The following RBBP8 variants were observed in gnomAD, a reference collection of about 807,000 sequenced individuals.
RBBP8 encodes RB binding protein 8, endonuclease.
In RBBP8, 88 loss-of-function variants were observed where a neutral mutation model predicts 108.3. The ratio of observed to expected loss-of-function variants is 0.81; its 90% confidence interval spans 0.68 to 0.97. The LOEUF (loss-of-function observed/expected upper bound fraction) is 0.97. Among genes scored for constraint, RBBP8 ranks in the 50% least tolerant of loss-of-function variants. The probability of loss-of-function intolerance (pLI) is 0.00; values close to 1 mark genes in which losing one functional copy is unlikely to be tolerated. For missense variants in RBBP8, 1,023 were observed against 1,049.0 expected, an observed-to-expected ratio of 0.98 and a Z score of 0.34; for synonymous variants, 332 against 348.2, an observed-to-expected ratio of 0.95 and a Z score of 0.52.
chr18:22,957,769 A>G (rs564641207), intron 4 of RBBP8, among the ~76,000 whole-genome samples: 5 of 152,328 alleles, frequency 3.3e-5, no homozygotes, highest in African/African-American at 1.2e-4. Flanking sequence ...TAGGATCAGC[A>G]ATCAAAAATT....
intron 1 of RBBP8, among the ~76,000 whole-genome samples, chr18:22,915,110 A>G (rs1598616011): frequency 6.6e-6 from 1 of 152,126 alleles, no homozygotes; most frequent in East Asian, 1.9e-4. Context: ...GAATTGAAGC[A>G]CATGTCTTCT....
chr18:22,953,396 T>A (rs1022121210), intron 4 of RBBP8, among the ~76,000 whole-genome samples: 1 of 152,204 alleles, frequency 6.6e-6, no homozygotes, highest in Non-Finnish European at 1.5e-5. Context: ...TAGTTGTTCC[T>A]TAGCAAGTTG....
intron 5 of RBBP8, among the ~76,000 whole-genome samples, chr18:22,972,694 C>G (rs1241866255): frequency 6.6e-6 from 1 of 152,122 alleles, no homozygotes; most frequent in Admixed American, 6.5e-5. Flanking sequence ...AATTCTCTTC[C>G]GAATAATATA....
intron 4 of RBBP8, among the ~76,000 whole-genome samples, chr18:22,968,067 C>CA (rs948245277): frequency 7.4e-5 from 11 of 149,488 alleles, no homozygotes; most frequent in African/African-American, 2.5e-4. Context: ...ACAATATTGA[C>CA]AAAAAAAAAT....
chr18:22,936,901 C>G lies in RBBP8; in HGVS notation c.50C>G (p.Ser17Cys). 15 of 1,614,106 alleles carry G rather than the reference C, an allele frequency of 9.3e-6. No homozygotes were observed. Among genetic ancestry groups the G allele is most frequent in the Non-Finnish European group, 1.3e-5 (15 of 1,180,020 alleles). Reference protein sequence around the residue: ...SCGSPNSADTSSDFKDLWTKL... With the variant: ...SCGSPNSADTCSDFKDLWTKL... The stretch of plus-strand genomic sequence containing the variant: ...GGAAGCCCTAACTCTGCAGATACAT[C>G]TAGTGACTTTAAGGACCTTTGGACA... The change falls in exon 2 of 19, where the codon TCT becomes TGT. Residue 17 changes from serine (S) to cysteine (C), a missense_variant. By Grantham distance (112) the Ser-to-Cys change is moderately radical. Transcript: ENST00000327155.
intron 4 of RBBP8, among the ~76,000 whole-genome samples, chr18:22,956,786 A>C (rs1319434866): frequency 1.3e-5 from 2 of 152,156 alleles, no homozygotes; most frequent in African/African-American, 2.4e-5. Context: ...CTAAGTTCTA[A>C]TTTTATGTGG....
chr18:22,918,964 T>A (rs1452125921), intron 3 of RBBP8, among the ~76,000 whole-genome samples: 3 of 152,204 alleles, frequency 2.0e-5, no homozygotes, highest in African/African-American at 4.8e-5. Context: ...TACAAAAAAA[T>A]TCCCTTCTGA....
intron 2 of RBBP8, among the ~76,000 whole-genome samples, chr18:22,941,992 G>C (rs1300579336): frequency 6.6e-6 from 1 of 152,084 alleles, no homozygotes; most frequent in Non-Finnish European, 1.5e-5. Flanking sequence ...TCGTCAATAT[G>C]TTCCACATAG....
chr18:22,914,204 T>C (rs985800459), exon 1 of RBBP8: 1 of 152,180 alleles, frequency 6.6e-6, no homozygotes, highest in Non-Finnish European at 1.5e-5. Flanking sequence ...AGAGAGGTGG[T>C]GTTCACTGAT....
At chr18:22,958,096 T>C (rs955947132) in intron 4 of RBBP8, among the ~76,000 whole-genome samples, 1 of 152,356 alleles carries the variant, frequency 6.6e-6, no homozygotes, top group East Asian at 1.9e-4. Flanking sequence ...CTTTCTACCA[T>C]CTGCCTTTGA....
intron 16 of RBBP8, among the ~76,000 whole-genome samples, chr18:23,008,215 G>A (rs533398348): frequency 1.7e-4 from 26 of 151,298 alleles, no homozygotes; most frequent in African/African-American, 5.6e-4. Context: ...GCAAATTGAA[G>A]ACATAGTAAT....
chr18:22,997,084 A>G (rs777532551), intron 13 of RBBP8, among the ~76,000 whole-genome samples: 9 of 152,232 alleles, frequency 5.9e-5, no homozygotes, highest in Non-Finnish European at 1.2e-4. Context: ...CATTACCTTT[A>G]AAATAATGTA....
chr18:22,980,877 G>A (rs1914868019), intron 6 of RBBP8, among the ~76,000 whole-genome samples: 1 of 149,250 alleles, frequency 6.7e-6, no homozygotes, highest in Non-Finnish European at 1.5e-5. Flanking sequence ...ACCACGCCTG[G>A]CAAATTTTTT....
At chr18:22,939,504 C>T (rs1490063454) in intron 2 of RBBP8, among the ~76,000 whole-genome samples, 1 of 151,708 alleles carries the variant, frequency 6.6e-6, no homozygotes. Context: ...CCACCCTGGG[C>T]AACAAGAGCG....
At position 22,989,317 on chromosome 18, in the gene RBBP8, CTG is replaced by C; in HGVS notation, c.807+1_807+2del. 3 of 1,585,760 alleles carry C rather than the reference CTG, an allele frequency of 1.9e-6. No individual in the cohort carries two copies. The highest frequency in any genetic ancestry group is 1.7e-6 in the Non-Finnish European group (2 of 1,154,882). ...CTTGGACTTGGTGTTCAAGAAGAAT[CTG>C]TAAGTAATTGTTTAGTTTGGCAATA... On this transcript the variant is annotated splice_donor_variant and coding_sequence_variant, in exon 9 of 19. Coordinates refer to ENST00000327155, the MANE Select transcript of RBBP8 (RefSeq NM_002894.3). LOFTEE classifies it high-confidence loss of function.
chr18:23,017,792 G>A (rs551097988), intron 17 of RBBP8, among the ~76,000 whole-genome samples: 7 of 136,686 alleles, frequency 5.1e-5, no homozygotes, highest in South Asian at 2.4e-4. Context: ...TGTTGCCCAG[G>A]CTGGAATGTA....
chr18:23,016,803 T>C, intron 16 of RBBP8, 25 bp from the exon 17 acceptor site: 1 of 1,485,622 alleles, frequency 6.7e-7, no homozygotes, highest in Non-Finnish European at 9.4e-7. Context: ...CTAAGCTTTG[T>C]TAATTTAATT....
At chr18:22,937,941 T>C (rs768067357) in intron 2 of RBBP8, among the ~76,000 whole-genome samples, 110 of 152,098 alleles carry the variant, frequency 7.2e-4, no homozygotes, top group Non-Finnish European at 1.0e-3. Flanking sequence ...TCCTCCCACC[T>C]TAGCCTCCTG....
chr18:22,985,423 T>TAG (rs1915255183), intron 8 of RBBP8, among the ~76,000 whole-genome samples: 1 of 152,062 alleles, frequency 6.6e-6, no homozygotes, highest in Non-Finnish European at 1.5e-5. Flanking sequence ...TAAAGTGATG[T>TAG]TTGCATAGGG....
Sources: allele counts gnomAD v4.1 joint callset (sites outside exome capture counted in the v4.1 genomes callset), GRCh38; gene constraint gnomAD v4.1.1; transcripts MANE v1.5; gene names NCBI Gene and HGNC (gene_info 2026-07-23, HGNC 2026-07-21).